Variants in TMEM165 observed in about 807,000 individuals in gnomAD.
The protein encoded by TMEM165 is transmembrane protein 165, also known as putative divalent cation/proton antiporter TMEM165.
Under a neutral mutation model 30.0 loss-of-function variants are expected in TMEM165, and 19 were observed. The ratio of observed to expected loss-of-function variants is 0.63; its 90% CI spans 0.44 to 0.93. The LOEUF is 0.93. Ranked by LOEUF, TMEM165 falls within the 40% of genes least tolerant of loss-of-function variation. TMEM165 has a pLI of 0.00. For synonymous variants in TMEM165, 168 were observed against 162.9 expected (o/e 1.03, Z -0.24); for missense variants, 340 against 417.0 (o/e 0.82, Z 1.61).
chr4:55,403,566 C>T (rs1322612093), intron 1 of TMEM165, among the ~76,000 whole-genome samples: 1 of 71,910 alleles, frequency 1.4e-5, no homozygotes, highest in South Asian at 1.8e-3. Context: ...TTTTATTAAG[C>T]AAGTTTTTTT....
At chr4:55,426,438 C>T (rs1404975422), downstream of TMEM165, among the ~76,000 whole-genome samples, 1 of 152,150 alleles carries the variant, frequency 6.6e-6, no homozygotes, top group African/African-American at 2.4e-5. Flanking sequence ...AGCCTAATGT[C>T]ATTCATTATG....
At chr4:55,396,876 A>C (rs1387307988) in intron 1 of TMEM165, among the ~76,000 whole-genome samples, 1 of 151,990 alleles carries the variant, frequency 6.6e-6, no homozygotes, top group Non-Finnish European at 1.5e-5. Context: ...ATGAACCATG[A>C]CTCTCACTTT....
At chr4:55,423,563 C>T (rs1722069739) in intron 4 of TMEM165, 1 of 152,348 alleles carries the variant, frequency 6.6e-6, no homozygotes, top group South Asian at 2.1e-4. Context: ...GCTGGGACCA[C>T]TTGTGCTTGC....
intron 3 of TMEM165, among the ~76,000 whole-genome samples, chr4:55,446,101 C>CTTTTTTT (rs766235766): frequency 9.3e-6 from 1 of 107,372 alleles, no homozygotes; most frequent in Non-Finnish European, 1.9e-5. Flanking sequence ...AATTTAACTT[C>CTTTTTTT]TTTTTTTTTT....
chr4:55,416,545 A>G (rs1249596736), intron 2 of TMEM165, among the ~76,000 whole-genome samples: 2 of 152,144 alleles, frequency 1.3e-5, no homozygotes, highest in African/African-American at 2.4e-5. Flanking sequence ...TTTTCATAAA[A>G]CGTACTTATT....
In TMEM165 at chr4:55,400,272, A is replaced by AATATAATATATATTATATATAATATTAT. The variant is rs1720912029; in HGVS notation, c.207+3885_207+3886insATATTATATATAATATTATATATAATAT. Among the ~76,000 whole-genome samples, 56 of 83,176 alleles carry AATATAATATATATTATATATAATATTAT rather than the reference A, an allele frequency of 6.7e-4. 1 individual carries two copies. The highest frequency in any genetic ancestry group is 2.4e-3 in the South Asian group (7 of 2,974). 54.6% of individuals were successfully genotyped at this position (83,176 alleles called of 152,430 possible). A position where few individuals can be genotyped will look rare whatever the true frequency, so the allele number is the denominator to read the frequency against. ...TATATTATATTAATATATAATATAT[A>AATATAATATATATTATATATAATATTAT]ATATAATATTATATATTATATATAA... On this transcript the variant is annotated intron_variant, in intron 1 of 5. Coordinates refer to ENST00000381334, the MANE Select transcript of TMEM165 (RefSeq NM_018475.5).
chr4:55,436,826 T>C (rs1722911138), intron 3 of TMEM165, among the ~76,000 whole-genome samples: 1 of 150,988 alleles, frequency 6.6e-6, no homozygotes, highest in African/African-American at 2.4e-5. Flanking sequence ...ATTACCTACA[T>C]ACAAGTGTAT....
chr4:55,441,334 G>T (rs1191974353), intron 3 of TMEM165, among the ~76,000 whole-genome samples: 2 of 152,224 alleles, frequency 1.3e-5, no homozygotes, highest in East Asian at 3.9e-4. Context: ...ATTTCTCAAA[G>T]AACTAAAAGT....
chr4:55,418,291 T>C (rs1204846878), intron 4 of TMEM165: 1 of 244,160 alleles, frequency 4.1e-6, no homozygotes, highest in East Asian at 9.0e-5. Flanking sequence ...CTTTCTTTTT[T>C]ATAGTTGTTG....
intron 3 of TMEM165, chr4:55,433,738 T>C (rs1463020081): frequency 6.6e-6 from 1 of 152,186 alleles, no homozygotes; most frequent in African/African-American, 2.4e-5. Flanking sequence ...CTGTAAAATG[T>C]TTTTTAAATG....
At chr4:55,427,336 T>G (rs1722258273), downstream of TMEM165, among the ~76,000 whole-genome samples, 1 of 143,736 alleles carries the variant, frequency 7.0e-6, no homozygotes, top group Non-Finnish European at 1.5e-5. Context: ...ATGCTTGGCC[T>G]ACTAATACGT....
chr4:55,400,331 A>AATATTAATACTGTATTAT lies in TMEM165; in HGVS notation c.207+3939_207+3940insTAATACTGTATTATATAT, dbSNP rs1169439421. The stretch of plus-strand genomic sequence containing the variant: ...ATAATATTAATACTGTATTATATAT[A>AATATTAATACTGTATTAT]ATATAATATTAATTATATTATATTA... On this transcript the variant is annotated intron_variant, in intron 1 of 5. Transcript: ENST00000381334. 4.0e-5 allele frequency among the ~76,000 whole-genome samples: 3 copies of AATATTAATACTGTATTAT among 75,906 alleles called. No individual in the cohort carries two copies. The East Asian group carries it at 1.0e-3, about 26-fold the overall frequency. 49.8% of individuals were successfully genotyped at this position (75,906 alleles called of 152,430 possible). A position where few individuals can be genotyped will look rare whatever the true frequency, so the allele number is the denominator to read the frequency against.
chr4:55,432,216 A>G (rs1344248607), intron 3 of TMEM165: 1 of 152,110 alleles, frequency 6.6e-6, no homozygotes, highest in Non-Finnish European at 1.5e-5. Context: ...AATATTTTCC[A>G]TTCAAAAAAT....
Position 55,410,774 on chromosome 4 carries a change from T to G in TMEM165, c.208-840T>G, listed in dbSNP as rs531420342. On this transcript the variant is annotated intron_variant, in intron 1 of 5. Coordinates refer to ENST00000381334, the MANE Select transcript of TMEM165 (RefSeq NM_018475.5). ...ACATACCTGGGTCTTTCATGCAAGT[T>G]ACTAATACAAATTTGAATGAGATGT... Among the ~76,000 whole-genome samples the G allele has an allele frequency of 1.5e-3, 221 of 152,274 alleles. 2 individuals carry two copies. The highest frequency in any genetic ancestry group is 2.5e-3 in the Non-Finnish European group (171 of 68,012).
intron 4 of TMEM165, chr4:55,424,272 C>T (rs1722109056): frequency 9.1e-6 from 4 of 439,366 alleles, no homozygotes; most frequent in Non-Finnish European, 1.6e-5. Flanking sequence ...CTGAAAGGTT[C>T]GATTAGCTTT....
chr4:55,443,649 C>A (rs1723550674), intron 3 of TMEM165: 1 of 1,527,258 alleles, frequency 6.5e-7, no homozygotes, highest in South Asian at 1.1e-5. Flanking sequence ...CTTCCAACCA[C>A]TGATCACTCC....
intron 3 of TMEM165, among the ~76,000 whole-genome samples, chr4:55,440,643 A>C (rs3805148): frequency 0.34 from 51,392 of 152,150 alleles, 9,382 homozygotes; most frequent in East Asian, 0.58. Context: ...GAAATAAGTA[A>C]TATTTACAAA....
At chr4:55,443,273 G>T (rs2109688339) in intron 3 of TMEM165, among the ~76,000 whole-genome samples, 1 of 152,136 alleles carries the variant, frequency 6.6e-6, no homozygotes, top group Admixed American at 6.5e-5. Context: ...TCAGGAGTTT[G>T]AGATCAGCCA....
chr4:55,435,441 C>A, intron 3 of TMEM165: 1 of 1,613,940 alleles, frequency 6.2e-7, no homozygotes, highest in Admixed American at 1.7e-5. Flanking sequence ...TTGGAAGGGT[C>A]GGGCAAGCTG....
Sources: gnomAD v4.1 joint callset for allele counts (sites outside exome capture counted in the v4.1 genomes callset) on GRCh38, gnomAD v4.1.1 for gene constraint, MANE v1.5 for transcripts, NCBI Gene and HGNC (gene_info 2026-07-23, HGNC 2026-07-21) for gene names.